FIG4: variants seen among roughly 807,000 people sequenced by gnomAD.
The protein encoded by FIG4 is FIG4 phosphoinositide 5-phosphatase, also known as polyphosphoinositide phosphatase.
Under a neutral mutation model 118.6 loss-of-function variants are expected in FIG4, and 112 were observed. The observed-to-expected ratio is 0.94, with a 90% confidence interval of 0.81 to 1.11. The LOEUF (loss-of-function observed/expected upper bound fraction) is 1.11, where lower values mean the gene tolerates loss of function less well. Among genes scored for constraint, FIG4 ranks in the 50% least tolerant of loss-of-function variants. The pLI is 0.00. For synonymous variants in FIG4, 369 were observed against 381.2 expected, an observed-to-expected ratio of 0.97 and a Z score of 0.37; for missense variants, 969 against 1,111.7, an observed-to-expected ratio of 0.87 and a Z score of 1.83.
chr6:109,791,488 G>T lies in FIG4; in HGVS notation c.2293G>T (p.Asp765Tyr). The T allele has an allele frequency of 6.2e-7, 1 of 1,614,046 alleles. No individual in the cohort carries two copies. ...CAGCTCTGAGGATGACTCTGGGACT[G>T]ATCGGGAAGAAGAGGGCTCTGTGTC... The part of the protein sequence containing the change: ...SSSSEDDSGT[D>Y]REEEGSVSQR... Residue 765 changes from aspartate to tyrosine, a missense_variant, in exon 20 of 23, where the codon GAT becomes TAT. Around this residue, in one of 3 missense-constraint regions of FIG4, gnomAD observed 330 missense variants for 348.1 expected, o/e 0.95. Coordinates refer to ENST00000230124, the MANE Select transcript of FIG4 (RefSeq NM_014845.6).
rs112073763 is a variant in FIG4 at position 109,800,161 on chromosome 6, A to G, written c.2546+3310A>G. ...GAACCAGGATTTAAACCCACACAGG[A>G]TGGCTCCAGAGCCCATGATCTCCAT... On this transcript the variant is annotated intron_variant, in intron 22 of 22. Coordinates refer to ENST00000230124, the MANE Select transcript of FIG4 (RefSeq NM_014845.6). Among the ~76,000 whole-genome samples the G allele has an allele frequency of 8.9e-3, 1,360 of 152,182 alleles. 20 individuals are homozygous for G. Among genetic ancestry groups the G allele is most frequent in the African/African-American group, 0.032 (1,309 of 41,502 alleles).
chr6:109,787,073 A>AT (rs1246034762), intron 18 of FIG4, among the ~76,000 whole-genome samples: 7 of 152,100 alleles, frequency 4.6e-5, no homozygotes, highest in African/African-American at 1.7e-4. Context: ...TTCAGGGTAA[A>AT]TATCCTTCAT....
At chr6:109,753,449 C>G (rs1161672086) in intron 10 of FIG4, among the ~76,000 whole-genome samples, 1 of 151,498 alleles carries the variant, frequency 6.6e-6, no homozygotes, top group Non-Finnish European at 1.5e-5. Flanking sequence ...TCCATATGAA[C>G]TTTAAAGTAG....
rs766313761 is a variant in FIG4, at chr6:109,760,243, G to C, written c.1138-7G>C. On this transcript the variant is annotated splice_region_variant and splice_polypyrimidine_tract_variant and intron_variant, in intron 10 of 22. Transcript: ENST00000230124. ...AGAACACTGAAAATGTTTAATTTTT[G>C]ATAAAGGAACGAGAGAAAAGAAAGC... 1 of 1,611,926 alleles carries C rather than the reference G, an allele frequency of 6.2e-7. No homozygotes were observed. Among genetic ancestry groups the C allele is most frequent in the Non-Finnish European group, 8.5e-7 (1 of 1,178,232 alleles).
Position 109,822,432 on chromosome 6 carries a change from T to G in FIG4, c.2547-2656T>G, listed in dbSNP as rs748639881. On this transcript the variant is annotated intron_variant, in intron 22 of 22. Transcript: ENST00000230124. Reference sequence around the variant, plus strand: ...TTCTATGATAAATATTGGGTAAATATTGTTAGTTTTTATATTTAATTAATG... The same window carrying G: ...TTCTATGATAAATATTGGGTAAATAGTGTTAGTTTTTATATTTAATTAATG... Among the ~76,000 whole-genome samples the G allele has an allele frequency of 4.6e-4, 70 of 152,162 alleles. 1 individual carries two copies. The highest frequency in any genetic ancestry group is 6.0e-4 in the Non-Finnish European group (41 of 68,034).
At chr6:109,708,625 C>T (rs538173620) in intron 1 of FIG4, among the ~76,000 whole-genome samples, 1 of 152,290 alleles carries the variant, frequency 6.6e-6, no homozygotes, top group South Asian at 2.1e-4. Context: ...ACCTTTCCAG[C>T]ATCTGTTGTT....
At chr6:109,697,958 G>A (rs1049369959) in intron 1 of FIG4, among the ~76,000 whole-genome samples, 4 of 150,926 alleles carry the variant, frequency 2.7e-5, no homozygotes, top group South Asian at 2.1e-4. Flanking sequence ...GCACGATCTC[G>A]GCTCACTGCA....
At chr6:109,803,969 A>G (rs896820174) in intron 22 of FIG4, among the ~76,000 whole-genome samples, 1 of 152,080 alleles carries the variant, frequency 6.6e-6, no homozygotes, top group African/African-American at 2.4e-5. Context: ...CTCTAAACTA[A>G]AGGGGCCCAA....
chr6:109,736,516 T>G (rs1776163581), intron 6 of FIG4, among the ~76,000 whole-genome samples: 1 of 152,078 alleles, frequency 6.6e-6, no homozygotes, highest in African/African-American at 2.4e-5. Context: ...GCAAGACAAC[T>G]GGTGTGTTTG....
chr6:109,742,971 C>A, intron 8 of FIG4, 139 bp from the exon 9 acceptor site: 2 of 734,670 alleles, frequency 2.7e-6, no homozygotes, highest in Middle Eastern at 2.8e-4. Flanking sequence ...GAATATTGAT[C>A]AATATTTACC....
chr6:109,696,526 G>GTA (rs1457574983), intron 1 of FIG4, among the ~76,000 whole-genome samples: 4 of 152,130 alleles, frequency 2.6e-5, no homozygotes, highest in Non-Finnish European at 5.9e-5. Flanking sequence ...AAAAAATGTG[G>GTA]TATATATACA....
At chr6:109,771,220 G>A (rs1195293535) in intron 15 of FIG4, among the ~76,000 whole-genome samples, 2 of 152,152 alleles carry the variant, frequency 1.3e-5, no homozygotes, top group African/African-American at 2.4e-5. Context: ...TGCAACCAAA[G>A]CAGTTGTACA....
intron 5 of FIG4, 46 bp downstream of exon 5, chr6:109,732,733 A>G (rs1776045209): frequency 2.6e-6 from 3 of 1,164,120 alleles, no homozygotes; most frequent in African/African-American, 1.5e-5. Flanking sequence ...ATAAACTTTT[A>G]TATTATTTTC....
At chr6:109,800,771 T>G (rs1353972435) in intron 22 of FIG4, among the ~76,000 whole-genome samples, 1 of 152,164 alleles carries the variant, frequency 6.6e-6, no homozygotes. Flanking sequence ...CTTTCTCTAT[T>G]GTGTTTTTTC....
intron 20 of FIG4, 57 bp from the exon 21 acceptor site, chr6:109,792,525 A>T (rs942981072): frequency 1.0e-6 from 1 of 979,102 alleles, no homozygotes; most frequent in African/African-American, 1.6e-5. Flanking sequence ...GAAATTATTG[A>T]TATGCTATAT....
intron 10 of FIG4, among the ~76,000 whole-genome samples, chr6:109,748,325 G>T (rs574937175): frequency 6.6e-6 from 1 of 152,246 alleles, no homozygotes; most frequent in African/African-American, 2.4e-5. Flanking sequence ...AGGATGAAAG[G>T]CATTTTGGAT....
intron 16 of FIG4, among the ~76,000 whole-genome samples, chr6:109,783,811 T>A (rs1299878006): frequency 1.3e-5 from 2 of 152,232 alleles, no homozygotes; most frequent in Non-Finnish European, 2.9e-5. Flanking sequence ...GATCCCAAAG[T>A]GATTTACATG....
At chr6:109,762,616 G>T (rs1490143868) in intron 12 of FIG4, among the ~76,000 whole-genome samples, 1 of 150,304 alleles carries the variant, frequency 6.7e-6, no homozygotes, top group Non-Finnish European at 1.5e-5. Flanking sequence ...AGCTTCTTCA[G>T]ATCAAGGATT....
In FIG4 at chr6:109,789,580, T is replaced by G; in HGVS notation, c.2097-14T>G. On this transcript the variant is annotated splice_polypyrimidine_tract_variant and intron_variant, in intron 18 of 22. Transcript: ENST00000230124. The stretch of plus-strand genomic sequence containing the variant: ...CAGTAATTCATATGTAATTGTGTTT[T>G]CACCTTTCTTTAGTGACTTTATGCC... The G allele has an allele frequency of 6.2e-7, 1 of 1,600,432 alleles. No homozygotes were observed. Among genetic ancestry groups the G allele is most frequent in the Non-Finnish European group, 8.6e-7 (1 of 1,167,714 alleles).
Sources: allele counts gnomAD v4.1 joint callset (sites outside exome capture counted in the v4.1 genomes callset), GRCh38; gene constraint gnomAD v4.1.1; regional missense constraint gnomAD v4.1.1; transcripts MANE v1.5; gene names NCBI Gene and HGNC (gene_info 2026-07-23, HGNC 2026-07-21).